The following HYCC1 variants were observed in gnomAD, a reference collection of about 807,000 sequenced individuals.
HYCC1 encodes hyccin PI4KA lipid kinase complex subunit 1, also known as hyccin.
the HYCC1 span, among the ~76,000 whole-genome samples, chr7:22,980,277 T>TTG: frequency 6.6e-6 from 1 of 151,656 alleles, no homozygotes. Context: ...TTTTAATGTT[T>TTG]TTTTTTTTTC....
chr7:22,947,705 C>T, the HYCC1 span, among the ~76,000 whole-genome samples: 1 of 149,422 alleles, frequency 6.7e-6, no homozygotes, highest in African/African-American at 2.5e-5. Flanking sequence ...AGGAACCAAG[C>T]CACACAGAAG....
the HYCC1 span, among the ~76,000 whole-genome samples, chr7:22,914,708 G>A: frequency 2.0e-4 from 31 of 151,814 alleles, no homozygotes; most frequent in Middle Eastern, 3.4e-3. Flanking sequence ...CTGTTCCTTC[G>A]GTCTCCACCT....
chr7:22,896,067 A>T, the HYCC1 span, among the ~76,000 whole-genome samples: 1 of 152,236 alleles, frequency 6.6e-6, no homozygotes, highest in Non-Finnish European at 1.5e-5. Context: ...CCAGCAAGAA[A>T]CTGAGTCCAC....
At chr7:22,992,128 A>C in the HYCC1 span, among the ~76,000 whole-genome samples, 1 of 132,910 alleles carries the variant, frequency 7.5e-6, no homozygotes. Context: ...ATCACTATGC[A>C]ATATTATTAT....
At chr7:22,968,837 T>C in the HYCC1 span, among the ~76,000 whole-genome samples, 53,263 of 151,810 alleles carry the variant, frequency 0.35, 9,414 homozygotes, top group East Asian at 0.48. Flanking sequence ...AATACAAAAA[T>C]TGGCCTGGCA....
the HYCC1 span, among the ~76,000 whole-genome samples, chr7:22,999,565 G>A: frequency 3.3e-5 from 5 of 152,076 alleles, no homozygotes; most frequent in African/African-American, 7.2e-5. Flanking sequence ...ATGTCAAGTC[G>A]ACAGCCCGTT....
chr7:22,964,895 G>A, the HYCC1 span, among the ~76,000 whole-genome samples: 200 of 152,138 alleles, frequency 1.3e-3, no homozygotes, highest in African/African-American at 4.6e-3. Flanking sequence ...AACACTTTGG[G>A]AGGCCAAGGC....
chr7:23,008,022 T>C, the HYCC1 span, among the ~76,000 whole-genome samples: 1 of 152,244 alleles, frequency 6.6e-6, no homozygotes, highest in Non-Finnish European at 1.5e-5. Flanking sequence ...GGATCCTCAC[T>C]GTTCACTGCT....
the HYCC1 span, among the ~76,000 whole-genome samples, chr7:22,999,735 C>T: frequency 6.6e-6 from 1 of 152,060 alleles, no homozygotes; most frequent in African/African-American, 2.4e-5. Flanking sequence ...CCCTTGATTG[C>T]CTGCTGAGTA....
chr7:22,925,777 A>C, the HYCC1 span, among the ~76,000 whole-genome samples: 3 of 152,200 alleles, frequency 2.0e-5, no homozygotes, highest in Non-Finnish European at 4.4e-5. Context: ...TATCCAGGAG[A>C]ACTTCCCCAA....
chr7:22,896,596 T>G, the HYCC1 span, among the ~76,000 whole-genome samples: 2 of 152,230 alleles, frequency 1.3e-5, no homozygotes, highest in African/African-American at 4.8e-5. Context: ...TTTTGCCTTT[T>G]ATACAATTGT....
At chr7:22,953,870 G>C in the HYCC1 span, among the ~76,000 whole-genome samples, 1 of 151,542 alleles carries the variant, frequency 6.6e-6, no homozygotes, top group African/African-American at 2.4e-5. Flanking sequence ...GATACTAAAA[G>C]TATTTACATT....
chr7:22,990,493 G>A, the HYCC1 span, among the ~76,000 whole-genome samples: 130 of 152,264 alleles, frequency 8.5e-4, no homozygotes, highest in Non-Finnish European at 1.4e-3. Context: ...ATAATTATGT[G>A]TCACATAAGG....
At chr7:22,949,469 T>C in the HYCC1 span, among the ~76,000 whole-genome samples, 473 of 152,236 alleles carry the variant, frequency 3.1e-3, 2 homozygotes, top group African/African-American at 0.01. Context: ...TTTATTCATG[T>C]AGATTCCTGG....
chr7:23,000,091 T>A, the HYCC1 span, among the ~76,000 whole-genome samples: 1 of 152,052 alleles, frequency 6.6e-6, no homozygotes, highest in Non-Finnish European at 1.5e-5. Flanking sequence ...CCTGCTAATA[T>A]TTTTCTTTAC....
chr7:22,926,369 T>A, the HYCC1 span, among the ~76,000 whole-genome samples: 1 of 152,124 alleles, frequency 6.6e-6, no homozygotes, highest in African/African-American at 2.4e-5. Flanking sequence ...AATGCTCCAA[T>A]TAAAAGGCAC....
chr7:22,902,404 A>T, the HYCC1 span, among the ~76,000 whole-genome samples: 1 of 152,066 alleles, frequency 6.6e-6, no homozygotes, highest in South Asian at 2.1e-4. Flanking sequence ...AATAAAATTA[A>T]TTACAACAAA....
the HYCC1 span, among the ~76,000 whole-genome samples, chr7:22,905,486 C>T: frequency 6.2e-3 from 908 of 147,232 alleles, 11 homozygotes; most frequent in African/African-American, 0.022. Context: ...CTACCCGCCT[C>T]AGCCTCCCAA....
chr7:22,963,917 T>TAGGG, the HYCC1 span, among the ~76,000 whole-genome samples: 1 of 152,138 alleles, frequency 6.6e-6, no homozygotes, highest in Non-Finnish European at 1.5e-5. Flanking sequence ...AAGTAAAAGA[T>TAGGG]AGGGTTCAAA....
Sources: allele counts gnomAD v4.1 joint callset (sites outside exome capture counted in the v4.1 genomes callset), GRCh38; gene constraint gnomAD v4.1.1; transcripts MANE v1.5; gene names NCBI Gene and HGNC (gene_info 2026-07-23, HGNC 2026-07-21).